Variants in CDC42SE2 observed in about 807,000 individuals in gnomAD.
The protein encoded by CDC42SE2 is CDC42 small effector 2.
In CDC42SE2, 3 loss-of-function variants were observed where a neutral mutation model predicts 11.5. That is an observed-to-expected ratio of 0.26 (90% confidence interval 0.12 to 0.67). The LOEUF is 0.67. Among genes scored for constraint, CDC42SE2 ranks in the 30% least tolerant of loss-of-function variants. CDC42SE2 has a pLI of 0.80. For synonymous variants in CDC42SE2, 33 were observed against 34.8 expected (o/e 0.95, Z 0.18); for missense variants, 82 against 106.8 (o/e 0.77, Z 1.02).
chr5:131,328,015 C>CA (rs1485006331), intron 2 of CDC42SE2, among the ~76,000 whole-genome samples: 2 of 152,112 alleles, frequency 1.3e-5, no homozygotes, highest in Non-Finnish European at 2.9e-5. Flanking sequence ...TGGCAGAAGG[C>CA]AGAAGGGAGA....
At chr5:131,294,138 TAC>T (rs1226692447) in intron 1 of CDC42SE2, among the ~76,000 whole-genome samples, 2 of 152,164 alleles carry the variant, frequency 1.3e-5, no homozygotes, top group African/African-American at 4.8e-5. Context: ...GTTTGAAAAG[TAC>T]GCACAATATT....
At chr5:131,328,094 C>CT (rs1393166760) in intron 2 of CDC42SE2, among the ~76,000 whole-genome samples, 23 of 152,128 alleles carry the variant, frequency 1.5e-4, no homozygotes, top group Middle Eastern at 3.2e-3. Context: ...GGCACATAGT[C>CT]TTAAATATGA....
chr5:131,259,102 T>G (rs1016211385), upstream of CDC42SE2, among the ~76,000 whole-genome samples: 4 of 152,032 alleles, frequency 2.6e-5, no homozygotes, highest in African/African-American at 9.7e-5. Context: ...AATTCCACAA[T>G]TCCTGATTTT....
At chr5:131,306,028 G>A (rs747219651) in intron 1 of CDC42SE2, among the ~76,000 whole-genome samples, 1 of 152,104 alleles carries the variant, frequency 6.6e-6, no homozygotes, top group African/African-American at 2.4e-5. Context: ...CTGTGGTTTT[G>A]CATTCTGCAG....
intron 1 of CDC42SE2, among the ~76,000 whole-genome samples, chr5:131,294,011 T>G (rs1232120440): frequency 6.6e-6 from 1 of 152,214 alleles, no homozygotes; most frequent in Non-Finnish European, 1.5e-5. Flanking sequence ...GGAAGTAATG[T>G]CACACTGAGC....
At chr5:131,360,503 A>T (rs1256790443) in intron 3 of CDC42SE2, among the ~76,000 whole-genome samples, 1 of 152,174 alleles carries the variant, frequency 6.6e-6, no homozygotes, top group Non-Finnish European at 1.5e-5. Context: ...GATAATACTC[A>T]TCTGTATTCC....
the CDC42SE2 span, among the ~76,000 whole-genome samples, chr5:131,238,447 G>A: frequency 6.7e-6 from 1 of 149,050 alleles, no homozygotes; most frequent in African/African-American, 2.5e-5. Context: ...AGCTTACAGT[G>A]AGCCAAGATC....
At chr5:131,276,277 T>G (rs1757099593) in intron 1 of CDC42SE2, among the ~76,000 whole-genome samples, 2 of 72,432 alleles carry the variant, frequency 2.8e-5, no homozygotes, top group South Asian at 9.2e-4. Flanking sequence ...CGAAACCCCA[T>G]CTACAAAAAA....
chr5:131,387,458 G>C (rs992831369), intron 4 of CDC42SE2, among the ~76,000 whole-genome samples: 1 of 152,110 alleles, frequency 6.6e-6, no homozygotes, highest in African/African-American at 2.4e-5. Context: ...GGCTGAGCGG[G>C]GAGGACTGCT....
intron 1 of CDC42SE2, among the ~76,000 whole-genome samples, chr5:131,277,997 C>A (rs1282320127): frequency 6.6e-6 from 1 of 152,104 alleles, no homozygotes; most frequent in Non-Finnish European, 1.5e-5. Context: ...CATCTATTCC[C>A]CCCACTTTTT....
At chr5:131,326,574 G>A (rs186492220) in intron 2 of CDC42SE2, among the ~76,000 whole-genome samples, 1 of 152,142 alleles carries the variant, frequency 6.6e-6, no homozygotes, top group Admixed American at 6.5e-5. Context: ...GATCAGTTGA[G>A]TGTTAATATT....
Position 131,270,078 on chromosome 5 carries a change from CA to C in CDC42SE2, c.-455+5921del, listed in dbSNP as rs202042820. Among the ~76,000 whole-genome samples the C allele has an allele frequency of 3.8e-5, 5 of 131,534 alleles. No individual in the cohort carries two copies. The South Asian group carries it at 7.5e-4, about 20-fold the overall frequency. 86.3% of individuals were successfully genotyped at this position (131,534 alleles called of 152,430 possible). ...TATCTCAAAAAAACAAAAAAACAAA[CA>C]AAAAAAAACAACTGGCCGGGCATGG... On this transcript the variant is annotated intron_variant, in intron 1 of 4. Transcript: ENST00000505065.
intron 2 of CDC42SE2, among the ~76,000 whole-genome samples, chr5:131,334,770 T>C (rs569141390): frequency 3.9e-5 from 6 of 152,222 alleles, no homozygotes; most frequent in African/African-American, 7.2e-5. Context: ...TTTATAGTAT[T>C]CTCTGATGGT....
At chr5:131,223,378 C>A in the CDC42SE2 span, among the ~76,000 whole-genome samples, 1 of 151,984 alleles carries the variant, frequency 6.6e-6, no homozygotes, top group South Asian at 2.1e-4. Context: ...GGGAAGATGT[C>A]TGGGGGGGCA....
intron 2 of CDC42SE2, among the ~76,000 whole-genome samples, chr5:131,352,544 T>C (rs558000989): frequency 3.9e-5 from 6 of 152,342 alleles, no homozygotes; most frequent in African/African-American, 1.4e-4. Flanking sequence ...TTTTGATAAT[T>C]ATATGTGCAT....
chr5:131,371,825 T>C (rs545249341), intron 3 of CDC42SE2, among the ~76,000 whole-genome samples: 1 of 152,226 alleles, frequency 6.6e-6, no homozygotes, highest in Non-Finnish European at 1.5e-5. Flanking sequence ...CAGCACTAGG[T>C]GATAAGTTAC....
chr5:131,303,557 T>C (rs774359187), intron 1 of CDC42SE2, among the ~76,000 whole-genome samples: 1 of 152,208 alleles, frequency 6.6e-6, no homozygotes, highest in Admixed American at 6.5e-5. Context: ...TTTTAACTTA[T>C]AAGAAGATCT....
intron 3 of CDC42SE2, among the ~76,000 whole-genome samples, chr5:131,379,388 G>GTTTTAAC (rs1335689618): frequency 6.6e-6 from 1 of 152,160 alleles, no homozygotes; most frequent in African/African-American, 2.4e-5. Flanking sequence ...CTTTGGGAAA[G>GTTTTAAC]TTTTAACTTT....
rs190102624 is a variant in CDC42SE2 at position 131,252,108 on chromosome 5, G to T, written n.108-2987G>T. On this transcript the variant is annotated intron_variant and non_coding_transcript_variant, in intron 1 of 3. Coordinates refer to the CDC42SE2 transcript ENST00000502840. ...AGGAAGGAAGGAAGGAAGGAAGGAAGGAATCATGTAGGTACTATAATTTCA... is the reference window on the plus strand; with the variant it reads ...AGGAAGGAAGGAAGGAAGGAAGGAATGAATCATGTAGGTACTATAATTTCA... Among the ~76,000 whole-genome samples the T allele has an allele frequency of 2.7e-4, 40 of 150,170 alleles. No homozygotes were observed. In the South Asian group the frequency reaches 2.9e-3, roughly 11 times the overall value.
Sources: allele counts gnomAD v4.1 joint callset (sites outside exome capture counted in the v4.1 genomes callset), GRCh38; gene constraint gnomAD v4.1.1; transcripts MANE v1.5; gene names NCBI Gene and HGNC (gene_info 2026-07-23, HGNC 2026-07-21).